The following SYNDIG1 variants were observed in gnomAD, a reference collection of about 807,000 sequenced individuals.
SYNDIG1 encodes the protein synapse differentiation inducing 1, also known as synapse differentiation-inducing gene protein 1.
In SYNDIG1, 9 loss-of-function variants were observed where a neutral mutation model predicts 19.4. That is an observed-to-expected ratio of 0.46 (90% CI 0.28 to 0.81). The LOEUF (loss-of-function observed/expected upper bound fraction) is 0.81. SYNDIG1 is among the 30% of genes least tolerant of loss of function. The pLI is 0.12. For synonymous variants in SYNDIG1, 141 were observed against 145.9 expected (o/e 0.97, Z 0.24); for missense variants, 311 against 343.3 (o/e 0.91, Z 0.74).
intron 3 of SYNDIG1, among the ~76,000 whole-genome samples, chr20:24,623,695 C>T (rs944138909): frequency 3.9e-5 from 6 of 152,006 alleles, no homozygotes; most frequent in Non-Finnish European, 5.9e-5. Context: ...TGGTATTATT[C>T]GAGGGTAAAT....
At chr20:24,544,305 G>T (rs1485355629) in intron 2 of SYNDIG1, among the ~76,000 whole-genome samples, 1 of 152,180 alleles carries the variant, frequency 6.6e-6, no homozygotes, top group African/African-American at 2.4e-5. Context: ...CTAGCGGTTT[G>T]CTGCCCATGC....
At chr20:24,652,709 T>C (rs1600830236) in intron 3 of SYNDIG1, among the ~76,000 whole-genome samples, 2 of 152,228 alleles carry the variant, frequency 1.3e-5, no homozygotes, top group East Asian at 3.9e-4. Context: ...TTGGAGGCTT[T>C]CTCCACTCAC....
At chr20:24,626,699 C>G (rs1476640239) in intron 3 of SYNDIG1, among the ~76,000 whole-genome samples, 41 of 152,362 alleles carry the variant, frequency 2.7e-4, no homozygotes, top group Non-Finnish European at 3.7e-4. Flanking sequence ...GCTGCAATCT[C>G]GGCACTTTGG....
Position 24,606,818 on chromosome 20 carries a change from A to G in SYNDIG1, c.618+21825A>G, listed in dbSNP as rs561748873. ...TCAGCAGAAGGCTGTGTGCTCCTGT[A>G]TTCGTCAGAATGATTACCCCTGGAT... On this transcript the variant is annotated intron_variant, in intron 3 of 3. Coordinates refer to ENST00000376862, the MANE Select transcript of SYNDIG1 (RefSeq NM_024893.3). 2.6e-5 allele frequency among the ~76,000 whole-genome samples: 4 copies of G among 152,332 alleles called. No homozygotes were observed. The South Asian group carries it at 8.3e-4, about 32-fold the overall frequency.
intron 2 of SYNDIG1, among the ~76,000 whole-genome samples, chr20:24,568,286 T>G (rs949260241): frequency 2.6e-5 from 4 of 152,210 alleles, no homozygotes; most frequent in Non-Finnish European, 5.9e-5. Context: ...ATAAATGTGC[T>G]CATAAAAGGG....
chr20:24,570,925 A>C (rs2058130112), intron 2 of SYNDIG1, among the ~76,000 whole-genome samples: 1 of 152,190 alleles, frequency 6.6e-6, no homozygotes, highest in African/African-American at 2.4e-5. Flanking sequence ...CGTGTTACTT[A>C]TTATGGACTA....
intron 3 of SYNDIG1, among the ~76,000 whole-genome samples, chr20:24,602,329 CT>C (rs547788856): frequency 1.3e-3 from 198 of 152,284 alleles, no homozygotes; most frequent in Non-Finnish European, 1.9e-3. Flanking sequence ...TATTTCTTTG[CT>C]GTTTTTCCAG....
chr20:24,610,948 C>A (rs1162544949), intron 3 of SYNDIG1, among the ~76,000 whole-genome samples: 7 of 152,176 alleles, frequency 4.6e-5, no homozygotes, highest in African/African-American at 7.2e-5. Context: ...GTTGAACTGG[C>A]ATCTTATTTC....
intron 1 of SYNDIG1, among the ~76,000 whole-genome samples, chr20:24,518,899 A>G (rs532881661): frequency 6.6e-6 from 1 of 152,188 alleles, no homozygotes; most frequent in Admixed American, 6.5e-5. Context: ...GCAACCACAG[A>G]CACACCCCGA....
chr20:24,522,964 C>T (rs1568608615), intron 1 of SYNDIG1, among the ~76,000 whole-genome samples: 1 of 152,198 alleles, frequency 6.6e-6, no homozygotes, highest in Non-Finnish European at 1.5e-5. Context: ...GAGGAATTCA[C>T]CCCCATGACC....
chr20:24,581,948 C>T (rs1405263436), intron 2 of SYNDIG1, among the ~76,000 whole-genome samples: 1 of 150,314 alleles, frequency 6.7e-6, no homozygotes, highest in Non-Finnish European at 1.5e-5. Context: ...CACATCCTCC[C>T]TGCTGCACGT....
Position 24,616,454 on chromosome 20 carries a change from T to C in SYNDIG1, c.618+31461T>C, listed in dbSNP as rs73612614. On this transcript the variant is annotated intron_variant, in intron 3 of 3. Coordinates refer to ENST00000376862, the MANE Select transcript of SYNDIG1 (RefSeq NM_024893.3). ...GGATTTTAATTTGAAGGAAATAAGC[T>C]CCCATTCCAGACAGGGCCGAGGTTG... 7.2e-4 allele frequency among the ~76,000 whole-genome samples: 110 copies of C among 152,268 alleles called. 1 individual carries two copies. In the East Asian group the frequency reaches 0.02, roughly 27 times the overall value.
At chr20:24,635,533 G>A (rs998047407) in intron 3 of SYNDIG1, among the ~76,000 whole-genome samples, 6 of 152,202 alleles carry the variant, frequency 3.9e-5, no homozygotes, top group East Asian at 1.9e-4. Flanking sequence ...CTCTGTGCTG[G>A]TTGGGTCTTG....
At chr20:24,549,402 T>G (rs962312214) in intron 2 of SYNDIG1, among the ~76,000 whole-genome samples, 5 of 152,328 alleles carry the variant, frequency 3.3e-5, no homozygotes, top group African/African-American at 1.2e-4. Context: ...TTCATTATTT[T>G]TTTATGGCTG....
At chr20:24,599,360 A>G (rs1321012332) in intron 3 of SYNDIG1, among the ~76,000 whole-genome samples, 1 of 152,246 alleles carries the variant, frequency 6.6e-6, no homozygotes, top group Non-Finnish European at 1.5e-5. Context: ...ATGCAGAGAA[A>G]TGGGAACTCT....
chr20:24,547,613 G>T (rs796521718), intron 2 of SYNDIG1, among the ~76,000 whole-genome samples: 12 of 152,260 alleles, frequency 7.9e-5, no homozygotes, highest in African/African-American at 2.9e-4. Flanking sequence ...TGCCCTCAGG[G>T]CATCCTGGGT....
At chr20:24,535,728 C>T (rs2057347906) in intron 1 of SYNDIG1, among the ~76,000 whole-genome samples, 1 of 152,150 alleles carries the variant, frequency 6.6e-6, no homozygotes, top group African/African-American at 2.4e-5. Flanking sequence ...CGGGCAGTTG[C>T]TGGGCAGATG....
intron 1 of SYNDIG1, among the ~76,000 whole-genome samples, chr20:24,472,241 C>T (rs1229198877): frequency 2.6e-5 from 4 of 152,124 alleles, no homozygotes; most frequent in East Asian, 1.9e-4. Context: ...AAGACAAGTC[C>T]GGATCCTGGG....
chr20:24,627,903 G>C (rs1371606051), intron 3 of SYNDIG1, among the ~76,000 whole-genome samples: 1 of 152,230 alleles, frequency 6.6e-6, no homozygotes, highest in Admixed American at 6.5e-5. Flanking sequence ...GGAGATCCTC[G>C]GGCCGGAGAG....
Sources: gnomAD v4.1 joint callset for allele counts (sites outside exome capture counted in the v4.1 genomes callset) on GRCh38, gnomAD v4.1.1 for gene constraint, MANE v1.5 for transcripts, NCBI Gene and HGNC (gene_info 2026-07-23, HGNC 2026-07-21) for gene names.